Variants in DLGAP2 observed in about 807,000 individuals in gnomAD.
DLGAP2 encodes the protein disks large-associated protein 2.
Under a neutral mutation model 100.3 loss-of-function variants are expected in DLGAP2, and 26 were observed. The ratio of observed to expected loss-of-function variants is 0.26; its 90% CI spans 0.19 to 0.36. The LOEUF (loss-of-function observed/expected upper bound fraction) is 0.36, where lower values mean the gene tolerates loss of function less well. Among genes scored for constraint, DLGAP2 ranks in the 10% least tolerant of loss-of-function variants. DLGAP2 has a pLI of 1.00. For synonymous variants in DLGAP2, 886 were observed against 630.1 expected (o/e 1.41, Z -6.08); for missense variants, 1,858 against 1,453.2 (o/e 1.28, Z -4.53).
At chr8:1,663,100 G>T (rs556285873) in intron 8 of DLGAP2, among the ~76,000 whole-genome samples, 1 of 133,542 alleles carries the variant, frequency 7.5e-6, no homozygotes, top group African/African-American at 2.9e-5. Context: ...TGTGGGGGAT[G>T]TGTGCCTGTG....
intron 2 of DLGAP2, among the ~76,000 whole-genome samples, chr8:1,101,814 CG>C (rs1268353017): frequency 6.1e-5 from 2 of 32,986 alleles, no homozygotes; most frequent in South Asian, 8.1e-4. Context: ...GAACACGACA[CG>C]ACGATGGGAA....
At chr8:1,407,501 G>C (rs77015538) in intron 3 of DLGAP2, among the ~76,000 whole-genome samples, 15 of 123,624 alleles carry the variant, frequency 1.2e-4, no homozygotes, top group Non-Finnish European at 2.5e-4. Context: ...TGCTTACTGA[G>C]CGCCACCTCC....
At chr8:1,501,669 C>T (rs889883711) in intron 4 of DLGAP2, among the ~76,000 whole-genome samples, 4 of 152,362 alleles carry the variant, frequency 2.6e-5, no homozygotes, top group Non-Finnish European at 5.9e-5. Flanking sequence ...CAGCCGTTCA[C>T]ATAAACGATG....
At chr8:1,305,069 C>T (rs1443084149) in intron 3 of DLGAP2, among the ~76,000 whole-genome samples, 2 of 152,172 alleles carry the variant, frequency 1.3e-5, no homozygotes, top group Admixed American at 1.3e-4. Flanking sequence ...CTGGAGGTGA[C>T]CCCAGGAATC....
intron 3 of DLGAP2, among the ~76,000 whole-genome samples, chr8:1,310,603 G>A (rs1239786538): frequency 6.6e-6 from 1 of 152,206 alleles, no homozygotes; most frequent in African/African-American, 2.4e-5. Context: ...CCAAAAGACA[G>A]GTCTCAATAA....
intron 2 of DLGAP2, among the ~76,000 whole-genome samples, chr8:1,256,059 CT>C (rs1799203045): frequency 7.7e-6 from 1 of 130,212 alleles, no homozygotes; most frequent in Admixed American, 7.8e-5. Flanking sequence ...TCCTCTCATC[CT>C]GCCTGGGTGC....
At chr8:1,306,875 T>C (rs1800504133) in intron 3 of DLGAP2, among the ~76,000 whole-genome samples, 1 of 152,102 alleles carries the variant, frequency 6.6e-6, no homozygotes, top group Admixed American at 6.6e-5. Flanking sequence ...TCATACCTTA[T>C]ACCACATATA....
At position 945,203 on chromosome 8, in the gene DLGAP2, C is replaced by G. The variant is rs140103937; in HGVS notation, c.73+37237C>G. On this transcript the variant is annotated intron_variant, in intron 2 of 14. Transcript: ENST00000637795. ...CTGACTGGTTTATAAAAAGTGTGAG[C>G]AGTGTTTTAAATCCAAGGCACCAGC... Among the ~76,000 whole-genome samples, 53 of 152,246 alleles carry G rather than the reference C, an allele frequency of 3.5e-4. 1 individual carries two copies. Among genetic ancestry groups the G allele is most frequent in the African/African-American group, 5.8e-4 (24 of 41,548 alleles).
chr8:1,364,712 G>C (rs117509880), intron 3 of DLGAP2, among the ~76,000 whole-genome samples: 4,282 of 152,298 alleles, frequency 0.028, 92 homozygotes, highest in South Asian at 0.041. Context: ...AAGCTTGCGT[G>C]GGGGAGACAG....
chr8:1,081,787 A>G (rs1803819643), intron 2 of DLGAP2, among the ~76,000 whole-genome samples: 1 of 152,162 alleles, frequency 6.6e-6, no homozygotes, highest in South Asian at 2.1e-4. Flanking sequence ...AGAATTTAAA[A>G]CACTCTCACA....
At chr8:1,435,977 A>C (rs1033415353) in intron 3 of DLGAP2, among the ~76,000 whole-genome samples, 1 of 152,232 alleles carries the variant, frequency 6.6e-6, no homozygotes, top group African/African-American at 2.4e-5. Flanking sequence ...TTTGTGTTTT[A>C]AGCTCAGCCT....
chr8:738,102 C>A, intron 1 of DLGAP2: 1 of 242,726 alleles, frequency 4.1e-6, no homozygotes, highest in South Asian at 1.8e-4. Flanking sequence ...GGTGCGGGAG[C>A]GCACGGGGCC....
intron 2 of DLGAP2, among the ~76,000 whole-genome samples, chr8:1,043,649 G>A (rs1238998955): frequency 6.6e-6 from 1 of 152,170 alleles, no homozygotes; most frequent in Non-Finnish European, 1.5e-5. Context: ...CATGAGCTGT[G>A]CTGCCTTTTC....
chr8:1,372,191 C>T (rs73528846), intron 3 of DLGAP2, among the ~76,000 whole-genome samples: 3,095 of 151,658 alleles, frequency 0.02, 104 homozygotes, highest in African/African-American at 0.071. Context: ...AACGCTGGGG[C>T]GCAGGTCACC....
intron 2 of DLGAP2, among the ~76,000 whole-genome samples, chr8:935,763 G>A (rs866746870): frequency 1.4e-4 from 22 of 152,298 alleles, no homozygotes; most frequent in African/African-American, 4.6e-4. Context: ...TTCCCTCAAA[G>A]CATAGTGGTT....
At chr8:1,165,148 G>C (rs190446777) in intron 2 of DLGAP2, among the ~76,000 whole-genome samples, 15 of 149,806 alleles carry the variant, frequency 1.0e-4, no homozygotes, top group African/African-American at 3.5e-4. Context: ...AAGACAGAGA[G>C]GGGGAGAGGA....
intron 2 of DLGAP2, among the ~76,000 whole-genome samples, chr8:1,164,113 C>T (rs796272245): frequency 8.7e-5 from 2 of 22,878 alleles, no homozygotes; most frequent in Admixed American, 6.0e-4. Context: ...TTTCTGTGAG[C>T]CCGCAGGGCC....
At chr8:1,098,758 C>T (rs1804482031) in intron 2 of DLGAP2, among the ~76,000 whole-genome samples, 2 of 137,190 alleles carry the variant, frequency 1.5e-5, no homozygotes, top group South Asian at 2.3e-4. Context: ...CGGCCGCCCA[C>T]GGGCGCCGCC....
In DLGAP2 at chr8:1,179,932, G is replaced by T. The variant is rs189380435; in HGVS notation, c.74-78919G>T. ...TAACGAGTAGATGGGAAATTAAACC[G>T]TGCCTTTAGAAATAAAGATTGGATG... is the stretch of plus-strand genomic sequence containing the variant. On this transcript the variant is annotated intron_variant, in intron 2 of 14. Coordinates refer to ENST00000637795, the MANE Select transcript of DLGAP2 (RefSeq NM_001346810.2). 2.6e-5 allele frequency among the ~76,000 whole-genome samples: 4 copies of T among 152,306 alleles called. No homozygotes were observed. The South Asian group carries it at 8.3e-4, about 32-fold the overall frequency.
Sources: allele counts gnomAD v4.1 joint callset (sites outside exome capture counted in the v4.1 genomes callset), GRCh38; gene constraint gnomAD v4.1.1; transcripts MANE v1.5; gene names NCBI Gene and HGNC (gene_info 2026-07-23, HGNC 2026-07-21).